Variants in TRDN observed in about 807,000 individuals in gnomAD.
TRDN encodes triadin, also known as triadin in skeletal muscle.
A neutral mutation model predicts 149.7 loss-of-function variants in TRDN; 161 were observed. That is an observed-to-expected ratio of 1.08 (90% CI 0.95 to 1.23). The LOEUF is 1.23. TRDN is among the 50% of genes most tolerant of loss of function. The pLI, the probability that TRDN is intolerant of heterozygous loss-of-function variation, is 0.00. For missense variants in TRDN, 896 were observed against 823.5 expected (o/e 1.09, Z -1.08); for synonymous variants, 294 against 250.5 (o/e 1.17, Z -1.64).
Position 123,272,974 on chromosome 6 carries a change from A to G in TRDN, c.1662T>C (p.His554=). Residue 554 remains histidine, a synonymous_variant, in exon 29 of 41, where the codon CAT becomes CAC. Transcript: ENST00000334268. ...DIVKPEKTVS[H]GKPEEKVLKQ... ...CCACCTGCAAAATACCTGGTTTACCATGAGAAACAGTCTTTTCTGGTTTCA... is the reference window on the plus strand; with the variant it reads ...CCACCTGCAAAATACCTGGTTTACCGTGAGAAACAGTCTTTTCTGGTTTCA... 6.5e-7 allele frequency: 1 copy of G among 1,531,394 alleles called. No homozygotes were observed. The highest frequency in any genetic ancestry group is 8.8e-7 in the Non-Finnish European group (1 of 1,139,226). The allele number at this position is 1,531,394 out of a possible 1,614,324, so 94.9% of individuals were successfully genotyped here.
chr6:123,381,853 A>C (rs1262853252), intron 15 of TRDN, among the ~76,000 whole-genome samples: 1 of 152,006 alleles, frequency 6.6e-6, no homozygotes, highest in Non-Finnish European at 1.5e-5. Context: ...TTTCTTGTTA[A>C]GTAAACATTT....
At chr6:123,556,412 TCAATGAACA>T (rs1172048994) in intron 2 of TRDN, among the ~76,000 whole-genome samples, 1 of 152,158 alleles carries the variant, frequency 6.6e-6, no homozygotes, top group African/African-American at 2.4e-5. Context: ...TATCTTTAGC[TCAATGAACA>T]CTCCTCAAAG....
At chr6:123,265,261 T>G in intron 33 of TRDN, 57 bp downstream of exon 33, 9 of 1,262,962 alleles carry the variant, frequency 7.1e-6, no homozygotes, top group South Asian at 1.4e-5. Flanking sequence ...TCAAAGAAAT[T>G]GTGAAATTAA....
At chr6:123,617,476 A>C (rs567441639) in intron 1 of TRDN, among the ~76,000 whole-genome samples, 7 of 152,274 alleles carry the variant, frequency 4.6e-5, no homozygotes, top group African/African-American at 1.7e-4. Flanking sequence ...AATATATATT[A>C]GTGGAAAAAA....
At chr6:123,493,367 A>C (rs1283627270) in intron 9 of TRDN, among the ~76,000 whole-genome samples, 1 of 152,170 alleles carries the variant, frequency 6.6e-6, no homozygotes, top group Non-Finnish European at 1.5e-5. Context: ...CACCATTCAC[A>C]ACAGAAAATC....
intron 2 of TRDN, among the ~76,000 whole-genome samples, chr6:123,564,722 G>A (rs1782192859): frequency 6.6e-6 from 1 of 152,074 alleles, no homozygotes; most frequent in South Asian, 2.1e-4. Context: ...CTTACTTCCT[G>A]GTAATAAGAT....
intron 1 of TRDN, among the ~76,000 whole-genome samples, chr6:123,587,295 G>A (rs1006535561): frequency 1.3e-5 from 2 of 152,102 alleles, no homozygotes; most frequent in African/African-American, 4.8e-5. Context: ...TCCATGACTG[G>A]CGCCAGAGTT....
chr6:123,312,461 G>C (rs1471679333), intron 24 of TRDN, among the ~76,000 whole-genome samples: 1 of 151,754 alleles, frequency 6.6e-6, no homozygotes, highest in East Asian at 1.9e-4. Context: ...AATATTTTCT[G>C]TTCTCTAGTT....
intron 38 of TRDN, among the ~76,000 whole-genome samples, chr6:123,239,133 C>A (rs377338816): frequency 1.3e-5 from 2 of 152,072 alleles, no homozygotes; most frequent in African/African-American, 4.8e-5. Flanking sequence ...GCCACTATGC[C>A]CAGCCATATA....
At position 123,218,394 on chromosome 6, in the gene TRDN, A is replaced by G. The variant is rs868356887; in HGVS notation, c.*207T>C. 8.3e-5 allele frequency: 43 copies of G among 517,102 alleles called. No homozygotes were observed. Among genetic ancestry groups the G allele is most frequent in the African/African-American group, 6.2e-4 (32 of 51,556 alleles). 32.0% of individuals were successfully genotyped at this position (517,102 alleles called of 1,614,324 possible). A position where few individuals can be genotyped will look rare whatever the true frequency, so the allele number is the denominator to read the frequency against. On this transcript the variant is annotated 3_prime_UTR_variant, in exon 41 of 41. Transcript: ENST00000334268. The stretch of plus-strand genomic sequence containing the variant: ...CCCCCTCCCACCGCAGCAAACACAC[A>G]TAACAGATTCTTGAGACTTAGACCC...
At chr6:123,258,306 T>G (rs1776634663) in intron 35 of TRDN, among the ~76,000 whole-genome samples, 1 of 152,154 alleles carries the variant, frequency 6.6e-6, no homozygotes, top group Admixed American at 6.6e-5. Flanking sequence ...TGAGAAAATT[T>G]CCATCAATAC....
intron 25 of TRDN, among the ~76,000 whole-genome samples, chr6:123,278,699 G>A (rs780785749): frequency 2.6e-5 from 4 of 152,176 alleles, no homozygotes; most frequent in African/African-American, 9.7e-5. Flanking sequence ...GAGGCTGGTA[G>A]GCAGAGGTTG....
In TRDN at chr6:123,400,599, G is replaced by C. The variant is rs567653335; in HGVS notation, c.1052-6922C>G. Among the ~76,000 whole-genome samples, 4 of 152,234 alleles carry C rather than the reference G, an allele frequency of 2.6e-5. 1 individual carries two copies. In the South Asian group the frequency reaches 8.3e-4, roughly 32 times the overall value. ...CTCCTTTCCTGGCTGCTCACCCTCT[G>C]CTGTGCAGCCTGGTTCCTATCAGGC... On this transcript the variant is annotated intron_variant, in intron 12 of 40. Coordinates refer to ENST00000334268, the MANE Select transcript of TRDN (RefSeq NM_006073.4).
intron 12 of TRDN, among the ~76,000 whole-genome samples, chr6:123,394,485 C>G (rs141667513): frequency 1.3e-5 from 2 of 152,070 alleles, no homozygotes; most frequent in Non-Finnish European, 2.9e-5. Flanking sequence ...AAGATTGGGT[C>G]ATTTGTTTTA....
At chr6:123,418,326 T>C (rs901886955) in intron 12 of TRDN, among the ~76,000 whole-genome samples, 2 of 152,156 alleles carry the variant, frequency 1.3e-5, no homozygotes, top group Non-Finnish European at 1.5e-5. Flanking sequence ...TGTGTATGTG[T>C]GTGTGTGTGT....
intron 24 of TRDN, among the ~76,000 whole-genome samples, chr6:123,283,629 C>T (rs1275450047): frequency 1.3e-5 from 2 of 151,416 alleles, no homozygotes; most frequent in African/African-American, 4.8e-5. Flanking sequence ...TTACAACTGA[C>T]ACCACAAAAA....
chr6:123,629,481 A>G (rs1443407928), intron 1 of TRDN, among the ~76,000 whole-genome samples: 1 of 152,146 alleles, frequency 6.6e-6, no homozygotes, highest in Non-Finnish European at 1.5e-5. Context: ...CATGCTGTCT[A>G]AATGAAACCA....
chr6:123,488,754 A>T lies in TRDN; in HGVS notation c.853+8439T>A, dbSNP rs1237736708. On this transcript the variant is annotated intron_variant, in intron 9 of 40. Transcript: ENST00000334268. ...GATTTCCTGAGTACTAACCAAAGTGACCTCATTTGCAATTCCCTATCTATG... is the reference window on the plus strand; with the variant it reads ...GATTTCCTGAGTACTAACCAAAGTGTCCTCATTTGCAATTCCCTATCTATG... 5.4e-5 allele frequency: 8 copies of T among 147,132 alleles called. No individual in the cohort carries two copies. The East Asian group carries it at 1.2e-3, about 22-fold the overall frequency. 9.1% of individuals were successfully genotyped at this position (147,132 alleles called of 1,614,324 possible). A position where few individuals can be genotyped will look rare whatever the true frequency, so the allele number is the denominator to read the frequency against.
intron 9 of TRDN, among the ~76,000 whole-genome samples, chr6:123,472,711 C>G (rs1284984627): frequency 6.6e-6 from 1 of 152,340 alleles, no homozygotes; most frequent in East Asian, 1.9e-4. Context: ...AGCAGTGGCT[C>G]TCCCAGCACG....
Sources: allele counts gnomAD v4.1 joint callset (sites outside exome capture counted in the v4.1 genomes callset), GRCh38; gene constraint gnomAD v4.1.1; transcripts MANE v1.5; gene names NCBI Gene and HGNC (gene_info 2026-07-23, HGNC 2026-07-21).